Variants in CELF2 observed in about 807,000 individuals in gnomAD.
The protein encoded by CELF2 is CUG triplet repeat RNA-binding protein 2.
CELF2 carries 8 observed loss-of-function variants against 62.6 expected under a neutral mutation model. That is an observed-to-expected ratio of 0.13 (90% CI 0.07 to 0.23). The LOEUF is 0.23. Ranked by LOEUF, CELF2 falls within the 10% of genes least tolerant of loss-of-function variation. CELF2 has a pLI of 1.00. For missense variants in CELF2, 333 were observed against 671.0 expected, an observed-to-expected ratio of 0.50 and a Z score of 5.56; for synonymous variants, 258 against 250.0, an observed-to-expected ratio of 1.03 and a Z score of -0.30.
chr10:11,022,843 C>A (rs942723845), intron 1 of CELF2, among the ~76,000 whole-genome samples: 1 of 152,122 alleles, frequency 6.6e-6, no homozygotes, highest in Non-Finnish European at 1.5e-5. Flanking sequence ...AATATGATGT[C>A]ATTGTTGAAT....
intron 1 of CELF2, among the ~76,000 whole-genome samples, chr10:11,069,717 C>G (rs2069228446): frequency 6.6e-6 from 1 of 152,178 alleles, no homozygotes; most frequent in Non-Finnish European, 1.5e-5. Flanking sequence ...GCTTGTCACT[C>G]TAATTGATTG....
At chr10:11,160,257 G>A (rs2065402986) in intron 1 of CELF2, among the ~76,000 whole-genome samples, 1 of 152,216 alleles carries the variant, frequency 6.6e-6, no homozygotes, top group Non-Finnish European at 1.5e-5. Flanking sequence ...GCGCAGAGTG[G>A]TCACATCATT....
the CELF2 span, among the ~76,000 whole-genome samples, chr10:10,524,870 G>A: frequency 6.6e-6 from 1 of 152,126 alleles, no homozygotes; most frequent in Non-Finnish European, 1.5e-5. Flanking sequence ...ATGCCTGGAA[G>A]CCAAGAAAAC....
rs1357544591 is a variant in CELF2, at chr10:11,098,607, A to T, written c.75-66879A>T. The T allele has an allele frequency of 6.6e-6, 1 of 152,260 alleles. No homozygotes were observed. The highest frequency in any genetic ancestry group is 2.4e-5 in the African/African-American group (1 of 41,476). 9.4% of individuals were successfully genotyped at this position (152,260 alleles called of 1,614,324 possible). A position where few individuals can be genotyped will look rare whatever the true frequency, so the allele number is the denominator to read the frequency against. The stretch of plus-strand genomic sequence containing the variant: ...ATTCCTTTAGAAAGGCACAGTGAGC[A>T]CGCTCATTTTTTTTCCATTTTAGAC... On this transcript the variant is annotated intron_variant, in intron 1 of 12. Coordinates refer to ENST00000633077, the MANE Select transcript of CELF2 (RefSeq NM_001326342.2). This position sits in a 1 kb window ranked among gnomAD's most constrained non-coding sequence, Gnocchi z 4.0.
chr10:10,523,532 A>C, the CELF2 span, among the ~76,000 whole-genome samples: 1 of 152,222 alleles, frequency 6.6e-6, no homozygotes, highest in Non-Finnish European at 1.5e-5. Flanking sequence ...TAAGCTTGCT[A>C]TAAAACCAGC....
At chr10:10,624,835 C>G in the CELF2 span, among the ~76,000 whole-genome samples, 1 of 152,116 alleles carries the variant, frequency 6.6e-6, no homozygotes, top group Non-Finnish European at 1.5e-5. Flanking sequence ...TCATCTCTCT[C>G]CAGGGAATGA....
chr10:10,830,951 T>C (rs1370691968), intron 1 of CELF2, among the ~76,000 whole-genome samples: 1 of 152,226 alleles, frequency 6.6e-6, no homozygotes, highest in Non-Finnish European at 1.5e-5. Context: ...ATCAAATTCC[T>C]AGTTTCTGAT....
intron 1 of CELF2, among the ~76,000 whole-genome samples, chr10:10,810,539 A>T (rs1422751500): frequency 6.6e-6 from 1 of 152,084 alleles, no homozygotes; most frequent in African/African-American, 2.4e-5. Context: ...TCAGTAATTG[A>T]GTGGCTGGAA....
At chr10:11,029,821 A>G (rs2059817783) in intron 1 of CELF2, among the ~76,000 whole-genome samples, 1 of 152,246 alleles carries the variant, frequency 6.6e-6, no homozygotes, top group Admixed American at 6.5e-5. Context: ...TCAATGTCCA[A>G]GAAGTCTGAT....
intron 1 of CELF2, among the ~76,000 whole-genome samples, chr10:11,023,889 A>G: frequency 6.6e-6 from 1 of 152,242 alleles, no homozygotes; most frequent in East Asian, 1.9e-4. Flanking sequence ...GATAATTTAA[A>G]ATGTAATGCT....
At chr10:11,090,993 C>A (rs2048162693) in intron 1 of CELF2, among the ~76,000 whole-genome samples, 1 of 152,130 alleles carries the variant, frequency 6.6e-6, no homozygotes, top group Admixed American at 6.5e-5. Flanking sequence ...TATTGAATAT[C>A]ATTCTTTTAT....
chr10:11,001,240 G>A (rs542234994), upstream of CELF2, among the ~76,000 whole-genome samples: 2 of 152,274 alleles, frequency 1.3e-5, no homozygotes, highest in South Asian at 2.1e-4. Context: ...TCTGAAACTA[G>A]CAGCTAAATA....
Position 11,321,020 on chromosome 10 carries a change from T to A in CELF2, c.1097-169T>A, listed in dbSNP as rs1403576382. The A allele has an allele frequency of 7.5e-7, 1 of 1,340,890 alleles. No individual in the cohort carries two copies. The highest frequency in any genetic ancestry group is 1.5e-5 in the African/African-American group (1 of 67,690). The allele number at this position is 1,340,890 out of a possible 1,614,324, so 83.1% of individuals were successfully genotyped here. On this transcript the variant is annotated intron_variant, in intron 10 of 12. Coordinates refer to ENST00000633077, the MANE Select transcript of CELF2 (RefSeq NM_001326342.2). The surrounding 1 kb of genome is among the most constrained non-coding windows in gnomAD (Gnocchi z 6.2). The stretch of plus-strand genomic sequence containing the variant: ...TGGCTTAGGTCATTTTCCCCCATTA[T>A]CACGATTTATTTCTTCATGGTTTCA...
the CELF2 span, among the ~76,000 whole-genome samples, chr10:10,632,034 C>G: frequency 6.6e-6 from 1 of 152,166 alleles, no homozygotes; most frequent in African/African-American, 2.4e-5. Flanking sequence ...CAATGTCCAG[C>G]ACACAGCAGG....
chr10:11,065,039 G>A (rs940475523), intron 1 of CELF2, among the ~76,000 whole-genome samples: 2 of 152,158 alleles, frequency 1.3e-5, no homozygotes, highest in Non-Finnish European at 2.9e-5. Flanking sequence ...GCTTGCTATC[G>A]AAGTGAAGTT....
the CELF2 span, among the ~76,000 whole-genome samples, chr10:10,469,211 T>C: frequency 5.3e-5 from 8 of 151,994 alleles, no homozygotes; most frequent in East Asian, 1.5e-3. Flanking sequence ...TTATCGTGCA[T>C]ATTTTAAAAT....
At chr10:11,264,022 A>G (rs909635611) in intron 5 of CELF2, among the ~76,000 whole-genome samples, 1 of 152,106 alleles carries the variant, frequency 6.6e-6, no homozygotes, top group Non-Finnish European at 1.5e-5. Flanking sequence ...CTTGACAGAA[A>G]CCCCTAAGGA....
At chr10:11,173,408 CT>C (rs1251088484) in intron 2 of CELF2, among the ~76,000 whole-genome samples, 2 of 152,174 alleles carry the variant, frequency 1.3e-5, no homozygotes, top group East Asian at 3.8e-4. Flanking sequence ...TACTTGCTGC[CT>C]CCTTCACACT....
intron 2 of CELF2, among the ~76,000 whole-genome samples, chr10:10,943,485 C>G (rs2047277675): frequency 6.6e-6 from 1 of 152,206 alleles, no homozygotes; most frequent in Non-Finnish European, 1.5e-5. Context: ...GTCTTATGAT[C>G]TAGGCATGTG....
Sources: gnomAD v4.1 joint callset for allele counts (sites outside exome capture counted in the v4.1 genomes callset) on GRCh38, gnomAD v4.1.1 for gene constraint, Gnocchi (gnomAD v3.1) non-coding constraint, MANE v1.5 for transcripts, NCBI Gene and HGNC (gene_info 2026-07-23, HGNC 2026-07-21) for gene names.